RGS7: variants seen among roughly 807,000 people sequenced by gnomAD.
The protein encoded by RGS7 is regulator of G protein signaling 7, also known as regulator of G-protein signaling 7.
Under a neutral mutation model 81.1 loss-of-function variants are expected in RGS7, and 27 were observed. The observed-to-expected ratio is 0.33, with a 90% CI of 0.25 to 0.46. The LOEUF is 0.46. RGS7 is among the 20% of genes least tolerant of loss of function. The pLI is 1.00. For synonymous variants in RGS7, 208 were observed against 207.7 expected, an observed-to-expected ratio of 1.00 and a Z score of -0.01; for missense variants, 396 against 607.4, an observed-to-expected ratio of 0.65 and a Z score of 3.66.
intron 2 of RGS7, among the ~76,000 whole-genome samples, chr1:241,106,306 T>C (rs145617752): frequency 1.8e-4 from 27 of 152,328 alleles, no homozygotes; most frequent in Non-Finnish European, 2.2e-4. Flanking sequence ...ATTACTCTTT[T>C]CATATTAAAA....
chr1:240,855,789 A>C (rs1253023515), intron 9 of RGS7, among the ~76,000 whole-genome samples: 2 of 152,184 alleles, frequency 1.3e-5, no homozygotes, highest in Non-Finnish European at 1.5e-5. Context: ...ATTAATTTTT[A>C]TACAGATAAT....
intron 4 of RGS7, among the ~76,000 whole-genome samples, chr1:240,957,015 T>C (rs550211975): frequency 2.0e-5 from 3 of 152,326 alleles, no homozygotes; most frequent in Admixed American, 2.0e-4. Flanking sequence ...AAGTGTCAAC[T>C]TGATTGGATT....
chr1:241,123,614 G>A (rs1011715530), intron 2 of RGS7, among the ~76,000 whole-genome samples: 4 of 152,184 alleles, frequency 2.6e-5, no homozygotes, highest in Non-Finnish European at 5.9e-5. Flanking sequence ...AGCCAGCTGT[G>A]GTGGCACATG....
In RGS7 at chr1:240,973,137, C is replaced by A. The variant is rs1572066248; in HGVS notation, c.226+9942G>T. Among the ~76,000 whole-genome samples, 7 of 152,056 alleles carry A rather than the reference C, an allele frequency of 4.6e-5. 2 individuals are homozygous for A. Among genetic ancestry groups the A allele is most frequent in the Admixed American group, 4.6e-4 (7 of 15,276 alleles). On this transcript the variant is annotated intron_variant, in intron 4 of 18. Transcript: ENST00000440928. ...GTTTTTGTGTGACTTTAGATATTCACAAGTTTCTCTCCTGTTAATTTTCTG... is the reference window on the plus strand; with the variant it reads ...GTTTTTGTGTGACTTTAGATATTCAAAAGTTTCTCTCCTGTTAATTTTCTG...
At chr1:241,347,110 T>C (rs1573783843) in intron 2 of RGS7, among the ~76,000 whole-genome samples, 1 of 152,220 alleles carries the variant, frequency 6.6e-6, no homozygotes, top group South Asian at 2.1e-4. Flanking sequence ...TGGAGAGCTT[T>C]GTGTGGACAA....
At chr1:241,351,554 T>C (rs907114267) in intron 2 of RGS7, among the ~76,000 whole-genome samples, 30 of 152,236 alleles carry the variant, frequency 2.0e-4, no homozygotes, top group African/African-American at 7.2e-4. Flanking sequence ...GGCTGGCATC[T>C]ATTCTCTTCT....
intron 2 of RGS7, among the ~76,000 whole-genome samples, chr1:241,194,325 C>T (rs150046687): frequency 1.3e-5 from 2 of 152,284 alleles, no homozygotes; most frequent in African/African-American, 2.4e-5. Flanking sequence ...CACCAATGGA[C>T]ATTCAACTGA....
rs74778670 is a variant in RGS7, at chr1:241,051,531, T to C, written c.175+47135A>G. The stretch of plus-strand genomic sequence containing the variant: ...TTGACTTCTTTATTTGGTCAAAGAA[T>C]CTCTCTCTCTTTCTCTCTCTCCCCG... On this transcript the variant is annotated intron_variant, in intron 3 of 18. Transcript: ENST00000440928. 9.6e-3 allele frequency among the ~76,000 whole-genome samples: 1,465 copies of C among 152,086 alleles called. 32 individuals are homozygous for C. The highest frequency in any genetic ancestry group is 0.032 in the African/African-American group (1,333 of 41,482).
At chr1:241,233,782 G>C (rs2148076917) in intron 2 of RGS7, among the ~76,000 whole-genome samples, 1 of 140,958 alleles carries the variant, frequency 7.1e-6, no homozygotes, top group South Asian at 2.3e-4. Context: ...TCATACGGTA[G>C]TTCTATTTTT....
At chr1:241,300,489 C>T (rs2079687085) in intron 2 of RGS7, among the ~76,000 whole-genome samples, 3 of 151,840 alleles carry the variant, frequency 2.0e-5, no homozygotes, top group Admixed American at 1.3e-4. Flanking sequence ...TTTGCCTTTT[C>T]CAGAATGTCA....
At chr1:241,052,928 C>T (rs2061326199) in intron 3 of RGS7, among the ~76,000 whole-genome samples, 4 of 152,008 alleles carry the variant, frequency 2.6e-5, no homozygotes, top group African/African-American at 9.6e-5. Context: ...TTCCCATCAT[C>T]CTCTGCTTGA....
At chr1:240,821,209 TAGGG>T (rs1691731358) in intron 10 of RGS7, among the ~76,000 whole-genome samples, 1 of 152,092 alleles carries the variant, frequency 6.6e-6, no homozygotes. Context: ...TCCCAGCACT[TAGGG>T]AGGCTGAAGC....
chr1:240,930,684 G>A, intron 6 of RGS7, 33 bp downstream of exon 6: 4 of 1,598,224 alleles, frequency 2.5e-6, no homozygotes, highest in Non-Finnish European at 3.4e-6. Flanking sequence ...CATACAGGCT[G>A]TCAATAATAA....
In RGS7 at chr1:241,079,541, G is replaced by GGACAGGGACAGTGA. The variant is rs1374025591; in HGVS notation, c.175+19111_175+19124dup. Among the ~76,000 whole-genome samples the GGACAGGGACAGTGA allele has an allele frequency of 2.6e-5, 4 of 152,180 alleles. No homozygotes were observed. In the East Asian group the frequency reaches 7.7e-4, roughly 29 times the overall value. On this transcript the variant is annotated intron_variant, in intron 3 of 18. Coordinates refer to ENST00000440928, the MANE Select transcript of RGS7 (RefSeq NM_001364886.1). ...GGGGCTATGATGAGAGAAAGGCTAAGGACAGGGACAGTGAGACAGGGACAG... is the reference window on the plus strand; with the variant it reads ...GGGGCTATGATGAGAGAAAGGCTAAGGACAGGGACAGTGAGACAGGGACAGTGAGACAGGGACAG...
At chr1:241,033,288 T>G (rs1167663246) in intron 3 of RGS7, among the ~76,000 whole-genome samples, 2 of 151,860 alleles carry the variant, frequency 1.3e-5, no homozygotes, top group East Asian at 3.9e-4. Flanking sequence ...GAGGTGGAGG[T>G]TGCAGTGAGC....
intron 3 of RGS7, among the ~76,000 whole-genome samples, chr1:241,027,024 T>A (rs1157221114): frequency 6.9e-6 from 1 of 145,368 alleles, no homozygotes; most frequent in Non-Finnish European, 1.5e-5. Context: ...AGACCCCATC[T>A]CTACCAGAAA....
intron 9 of RGS7, among the ~76,000 whole-genome samples, chr1:240,836,762 T>C (rs1037652563): frequency 2.6e-5 from 4 of 152,254 alleles, no homozygotes; most frequent in Non-Finnish European, 5.9e-5. Flanking sequence ...ATTGCGTTTT[T>C]GCATTATCAC....
intron 2 of RGS7, among the ~76,000 whole-genome samples, chr1:241,126,298 C>A (rs1004738185): frequency 2.0e-5 from 3 of 151,964 alleles, no homozygotes; most frequent in African/African-American, 7.3e-5. Context: ...TACAGGCATG[C>A]GCAACCACAC....
At chr1:240,798,037 C>T (rs985657579) in intron 18 of RGS7, among the ~76,000 whole-genome samples, 1 of 152,122 alleles carries the variant, frequency 6.6e-6, no homozygotes, top group Non-Finnish European at 1.5e-5. Flanking sequence ...CGAGTTCCAG[C>T]TCTAATGCTC....
Sources: gnomAD v4.1 joint callset for allele counts (sites outside exome capture counted in the v4.1 genomes callset) on GRCh38, gnomAD v4.1.1 for gene constraint, MANE v1.5 for transcripts, NCBI Gene and HGNC (gene_info 2026-07-23, HGNC 2026-07-21) for gene names.